GABRB2: variants seen among roughly 807,000 people sequenced by gnomAD.
GABRB2 encodes the protein gamma-aminobutyric acid type A receptor subunit beta2, also known as gamma-aminobutyric acid receptor subunit beta-2.
In GABRB2, 16 loss-of-function variants were observed where a neutral mutation model predicts 54.7. That is an observed-to-expected ratio of 0.29 (90% confidence interval 0.20 to 0.44). The LOEUF is 0.44. Ranked by LOEUF, GABRB2 falls within the 20% of genes least tolerant of loss-of-function variation. GABRB2 has a pLI of 1.00. For missense variants in GABRB2, 355 were observed against 644.0 expected (o/e 0.55, Z 4.86); for synonymous variants, 244 against 233.8 (o/e 1.04, Z -0.40).
intron 4 of GABRB2, among the ~76,000 whole-genome samples, chr5:161,417,704 T>C (rs995988454): frequency 3.9e-5 from 6 of 152,292 alleles, no homozygotes; most frequent in South Asian, 2.1e-4. Context: ...TAGTCAATTA[T>C]GTAGATTAGC....
intron 3 of GABRB2, among the ~76,000 whole-genome samples, chr5:161,527,518 G>T (rs1461016290): frequency 6.6e-6 from 1 of 151,224 alleles, no homozygotes; most frequent in Non-Finnish European, 1.5e-5. Flanking sequence ...AAACCTTCTG[G>T]ACAATCAAAT....
intron 5 of GABRB2, among the ~76,000 whole-genome samples, chr5:161,381,401 G>C (rs1755463187): frequency 6.6e-6 from 1 of 152,152 alleles, no homozygotes; most frequent in Admixed American, 6.6e-5. Flanking sequence ...ATGATGAAAA[G>C]TATATGAAGT....
In GABRB2 at chr5:161,400,529, CA is replaced by C. The variant is rs151159074; in HGVS notation, c.541+10445del. Among the ~76,000 whole-genome samples the C allele has an allele frequency of 4.6e-3, 699 of 152,124 alleles. 4 individuals are homozygous for C. Among genetic ancestry groups the C allele is most frequent in the African/African-American group, 0.016 (675 of 41,492 alleles). On this transcript the variant is annotated intron_variant, in intron 5 of 9. Coordinates refer to ENST00000393959, the MANE Select transcript of GABRB2 (RefSeq NM_001371727.1). ...TTAGATCTAATGGGCAATTTGAAGGCAGGGGGAAAATTAGCATTAGAAACTT... is the reference window on the plus strand; with the variant it reads ...TTAGATCTAATGGGCAATTTGAAGGCGGGGGAAAATTAGCATTAGAAACTT...
chr5:161,445,926 T>C (rs1052728683), intron 4 of GABRB2, among the ~76,000 whole-genome samples: 1 of 152,176 alleles, frequency 6.6e-6, no homozygotes, highest in Non-Finnish European at 1.5e-5. Flanking sequence ...ATAACTCATA[T>C]GTGGTGCAGA....
chr5:161,499,735 A>G (rs1007482950), intron 3 of GABRB2, among the ~76,000 whole-genome samples: 1 of 152,220 alleles, frequency 6.6e-6, no homozygotes, highest in African/African-American at 2.4e-5. Context: ...AAATAAAAGC[A>G]TGGAAAGGTC....
intron 5 of GABRB2, among the ~76,000 whole-genome samples, chr5:161,368,991 T>C (rs915888544): frequency 6.6e-6 from 1 of 152,198 alleles, no homozygotes; most frequent in Non-Finnish European, 1.5e-5. Flanking sequence ...ATCAGTTTTA[T>C]TAGATCTTAT....
intron 3 of GABRB2, among the ~76,000 whole-genome samples, chr5:161,535,303 TAC>T (rs999021671): frequency 6.6e-6 from 1 of 152,202 alleles, no homozygotes; most frequent in Non-Finnish European, 1.5e-5. Context: ...CACTGTGTAT[TAC>T]ATTTAACACA....
intron 4 of GABRB2, among the ~76,000 whole-genome samples, chr5:161,455,324 C>A (rs893630167): frequency 6.6e-6 from 1 of 152,094 alleles, no homozygotes; most frequent in African/African-American, 2.4e-5. Flanking sequence ...ATGGATCTCA[C>A]CCACTGAGCC....
chr5:161,534,947 A>G (rs183057240), intron 3 of GABRB2, among the ~76,000 whole-genome samples: 28 of 152,324 alleles, frequency 1.8e-4, no homozygotes, highest in Admixed American at 1.5e-3. Context: ...AAAAAGATGT[A>G]GAATATTCAT....
At chr5:161,296,572 C>T (rs896261398) in intron 9 of GABRB2, among the ~76,000 whole-genome samples, 8 of 152,070 alleles carry the variant, frequency 5.3e-5, no homozygotes, top group Admixed American at 6.6e-5. Flanking sequence ...TTTATTTAAT[C>T]TTAGTGGGTT....
chr5:161,542,077 G>A (rs577357224), intron 3 of GABRB2, among the ~76,000 whole-genome samples: 1 of 152,276 alleles, frequency 6.6e-6, no homozygotes, highest in East Asian at 1.9e-4. Context: ...CGGACAGGGG[G>A]ATGACCCATT....
intron 4 of GABRB2, among the ~76,000 whole-genome samples, chr5:161,437,492 T>A (rs967387659): frequency 6.6e-6 from 1 of 152,090 alleles, no homozygotes; most frequent in East Asian, 1.9e-4. Context: ...CTAACCAGCA[T>A]TGATACCCAG....
intron 5 of GABRB2, among the ~76,000 whole-genome samples, chr5:161,338,152 G>A (rs1754045700): frequency 1.3e-5 from 2 of 152,180 alleles, no homozygotes; most frequent in African/African-American, 2.4e-5. Flanking sequence ...CCTTCAATTG[G>A]AGAATCTACA....
intron 4 of GABRB2, among the ~76,000 whole-genome samples, chr5:161,438,536 C>G (rs552345974): frequency 6.6e-6 from 1 of 152,032 alleles, no homozygotes. Context: ...AACATGACCT[C>G]ACCAAATGAA....
chr5:161,441,282 A>C (rs1307573807), intron 4 of GABRB2, among the ~76,000 whole-genome samples: 1 of 152,210 alleles, frequency 6.6e-6, no homozygotes, highest in Admixed American at 6.6e-5. Context: ...GTCTGCTAAA[A>C]AATTGGCTAA....
chr5:161,369,677 A>G, intron 5 of GABRB2, among the ~76,000 whole-genome samples: 1 of 152,142 alleles, frequency 6.6e-6, no homozygotes, highest in Non-Finnish European at 1.5e-5. Flanking sequence ...CCTTGGGAAT[A>G]GATTTGCCAA....
At chr5:161,346,631 G>T (rs773650644) in intron 5 of GABRB2, among the ~76,000 whole-genome samples, 9 of 152,104 alleles carry the variant, frequency 5.9e-5, no homozygotes, top group Non-Finnish European at 1.2e-4. Context: ...TTAAGGGATT[G>T]CAGGCAGGAT....
At chr5:161,468,418 A>G (rs1758339469) in intron 3 of GABRB2, among the ~76,000 whole-genome samples, 2 of 151,976 alleles carry the variant, frequency 1.3e-5, no homozygotes, top group Admixed American at 6.6e-5. Context: ...CGTCTTAACA[A>G]CTGACTGAAA....
chr5:161,491,605 G>T (rs1481287149), intron 3 of GABRB2, among the ~76,000 whole-genome samples: 2 of 151,506 alleles, frequency 1.3e-5, no homozygotes, highest in African/African-American at 4.8e-5. Context: ...ATTCATTTGG[G>T]GAGGTGTTTG....
Sources: allele counts gnomAD v4.1 joint callset (sites outside exome capture counted in the v4.1 genomes callset), GRCh38; gene constraint gnomAD v4.1.1; transcripts MANE v1.5; gene names NCBI Gene and HGNC (gene_info 2026-07-23, HGNC 2026-07-21).